Variants in TLL1 observed in about 807,000 individuals in gnomAD.
The protein encoded by TLL1 is tolloid-like protein 1.
TLL1 carries 49 observed loss-of-function variants against 128.2 expected under a neutral mutation model. The observed-to-expected ratio is 0.38, with a 90% CI of 0.30 to 0.48. The LOEUF is 0.48. Among genes scored for constraint, TLL1 ranks in the 20% least tolerant of loss-of-function variants. The pLI is 0.96. For synonymous variants in TLL1, 454 were observed against 418.8 expected (o/e 1.08, Z -1.03); for missense variants, 1,123 against 1,242.0 (o/e 0.90, Z 1.44).
intron 8 of TLL1, among the ~76,000 whole-genome samples, chr4:166,017,818 T>A (rs1738024188): frequency 6.6e-6 from 1 of 152,168 alleles, no homozygotes; most frequent in African/African-American, 2.4e-5. Flanking sequence ...TATAGTTGTA[T>A]GTTTAAGGTT....
intron 1 of TLL1, among the ~76,000 whole-genome samples, chr4:165,889,228 T>C (rs369981084): frequency 9.2e-5 from 14 of 152,304 alleles, no homozygotes; most frequent in African/African-American, 3.1e-4. Context: ...TTAAATGGCT[T>C]TATTTGAAAC....
chr4:165,961,375 C>G (rs1484700745), intron 1 of TLL1, among the ~76,000 whole-genome samples: 2 of 152,022 alleles, frequency 1.3e-5, no homozygotes, highest in East Asian at 3.9e-4. Flanking sequence ...AATCAATATT[C>G]TTAAAATGGC....
intron 11 of TLL1, 55 bp from the exon 12 acceptor site, chr4:166,043,219 A>C: frequency 6.2e-7 from 1 of 1,612,400 alleles, no homozygotes; most frequent in Non-Finnish European, 8.5e-7. Flanking sequence ...AAGAAAATGA[A>C]AATGAAATAG....
intron 3 of TLL1, 75 bp downstream of exon 3, chr4:165,992,959 T>C: frequency 8.2e-7 from 1 of 1,220,284 alleles, no homozygotes; most frequent in East Asian, 2.4e-5. Context: ...GTTCAGTTTA[T>C]TAAAATCAGT....
chr4:166,037,006 C>T (rs959917613), intron 9 of TLL1, among the ~76,000 whole-genome samples: 16 of 151,992 alleles, frequency 1.1e-4, no homozygotes, highest in African/African-American at 3.9e-4. Context: ...AGAGGGAAGC[C>T]AGAACGTGAG....
At chr4:165,891,829 A>G (rs1316695105) in intron 1 of TLL1, among the ~76,000 whole-genome samples, 1 of 152,132 alleles carries the variant, frequency 6.6e-6, no homozygotes, top group Non-Finnish European at 1.5e-5. Flanking sequence ...GAGCCTTCCA[A>G]CTTCTGCCAG....
chr4:166,047,554 G>T (rs1285822651), intron 12 of TLL1, among the ~76,000 whole-genome samples: 215 of 150,822 alleles, frequency 1.4e-3, no homozygotes, highest in Non-Finnish European at 2.6e-3. Flanking sequence ...GGACCATGAA[G>T]ATAAACTTGT....
chr4:166,037,668 C>T (rs1259767228), intron 9 of TLL1, among the ~76,000 whole-genome samples: 2 of 151,804 alleles, frequency 1.3e-5, no homozygotes, highest in South Asian at 2.1e-4. Flanking sequence ...ATTAGCTGGA[C>T]GTGGTGGCGG....
At chr4:165,958,320 C>A (rs1269094777) in intron 1 of TLL1, among the ~76,000 whole-genome samples, 30 of 127,560 alleles carry the variant, frequency 2.4e-4, no homozygotes, top group African/African-American at 9.7e-4. Context: ...AGTTTACAGT[C>A]CCACCAACAG....
At chr4:165,884,530 C>A (rs1267056361) in intron 1 of TLL1, among the ~76,000 whole-genome samples, 2 of 152,176 alleles carry the variant, frequency 1.3e-5, no homozygotes, top group Admixed American at 6.5e-5. Context: ...AATCACACAA[C>A]TTGATTTTAA....
At chr4:165,966,565 C>T (rs1046325352) in intron 1 of TLL1, among the ~76,000 whole-genome samples, 1 of 152,172 alleles carries the variant, frequency 6.6e-6, no homozygotes, top group African/African-American at 2.4e-5. Context: ...TTCTATTTTC[C>T]CTAAGTGTCG....
intron 1 of TLL1, among the ~76,000 whole-genome samples, chr4:165,918,395 A>G (rs1732879972): frequency 6.6e-6 from 1 of 152,174 alleles, no homozygotes; most frequent in Non-Finnish European, 1.5e-5. Flanking sequence ...GGTTTTTAAC[A>G]CTTGCTGCAC....
At chr4:166,041,958 T>C (rs571956158) in intron 10 of TLL1, 69 bp from the exon 11 acceptor site, 1 of 1,044,634 alleles carries the variant, frequency 9.6e-7, no homozygotes, top group Admixed American at 1.7e-5. Flanking sequence ...TATTTGTGAC[T>C]AGTACAAAAA....
chr4:166,036,010 T>C (rs1453867886), intron 9 of TLL1, among the ~76,000 whole-genome samples: 4 of 152,278 alleles, frequency 2.6e-5, no homozygotes, highest in Middle Eastern at 6.8e-3. Context: ...GCAATCTAGT[T>C]TATCTTGCTG....
intron 18 of TLL1, among the ~76,000 whole-genome samples, chr4:166,078,828 C>T (rs963712726): frequency 6.6e-6 from 1 of 152,094 alleles, no homozygotes; most frequent in African/African-American, 2.4e-5. Context: ...ACTATAATAT[C>T]AAAAATTGTC....
At chr4:166,030,997 A>T in intron 9 of TLL1, 1 of 950,694 alleles carries the variant, frequency 1.1e-6, no homozygotes, top group Non-Finnish European at 1.3e-6. Flanking sequence ...GATTTTGCAC[A>T]TTAAAGTTAT....
intron 5 of TLL1, among the ~76,000 whole-genome samples, chr4:165,999,279 G>C (rs1737036842): frequency 6.6e-6 from 1 of 152,134 alleles, no homozygotes; most frequent in Non-Finnish European, 1.5e-5. Flanking sequence ...CTGCTATAAA[G>C]AACTACCTGA....
At chr4:165,963,859 T>C (rs1735240955) in intron 1 of TLL1, among the ~76,000 whole-genome samples, 2 of 152,072 alleles carry the variant, frequency 1.3e-5, no homozygotes, top group South Asian at 4.1e-4. Flanking sequence ...TGGGGAGAAG[T>C]GGAAGAATGG....
intron 1 of TLL1, among the ~76,000 whole-genome samples, chr4:165,954,902 A>T (rs1734707206): frequency 6.6e-6 from 1 of 152,082 alleles, no homozygotes; most frequent in Admixed American, 6.6e-5. Flanking sequence ...TCAAAATGTA[A>T]GAGTGTCTCC....
Sources: gnomAD v4.1 joint callset for allele counts (sites outside exome capture counted in the v4.1 genomes callset) on GRCh38, gnomAD v4.1.1 for gene constraint, MANE v1.5 for transcripts, NCBI Gene and HGNC (gene_info 2026-07-23, HGNC 2026-07-21) for gene names.